Variants in ENPP2 observed in about 807,000 individuals in gnomAD.
ENPP2 encodes the protein autotaxin.
ENPP2 carries 51 observed loss-of-function variants against 120.2 expected under a neutral mutation model. That is an observed-to-expected ratio of 0.42 (90% CI 0.34 to 0.54). The LOEUF is 0.54. Among genes scored for constraint, ENPP2 ranks in the 20% least tolerant of loss-of-function variants. The pLI is 0.04. For synonymous variants in ENPP2, 365 were observed against 366.4 expected, an observed-to-expected ratio of 1.00 and a Z score of 0.04; for missense variants, 920 against 1,066.5, an observed-to-expected ratio of 0.86 and a Z score of 1.91.
chr8:119,597,303 C>G (rs1211138419), intron 11 of ENPP2, among the ~76,000 whole-genome samples: 1 of 152,176 alleles, frequency 6.6e-6, no homozygotes, highest in Non-Finnish European at 1.5e-5. Context: ...ATACATTCTG[C>G]TAGCGCTCAA....
intron 1 of ENPP2, among the ~76,000 whole-genome samples, chr8:119,644,723 A>C (rs959626775): frequency 6.7e-6 from 1 of 149,844 alleles, no homozygotes; most frequent in Non-Finnish European, 1.5e-5. Flanking sequence ...GCATTTATTC[A>C]TATTGAGGTT....
At chr8:119,577,466 C>T (rs1489219794) in intron 19 of ENPP2, among the ~76,000 whole-genome samples, 1 of 152,138 alleles carries the variant, frequency 6.6e-6, no homozygotes, top group Non-Finnish European at 1.5e-5. Flanking sequence ...CATCGCTTTG[C>T]CACTGAAGAA....
chr8:119,607,785 G>T, intron 9 of ENPP2, 137 bp downstream of exon 9: 1 of 609,472 alleles, frequency 1.6e-6, no homozygotes, highest in Admixed American at 3.5e-5. Flanking sequence ...CACCTGGAAG[G>T]TTATTTTGAT....
intron 1 of ENPP2, among the ~76,000 whole-genome samples, chr8:119,661,990 A>G (rs903343201): frequency 3.3e-5 from 5 of 152,240 alleles, no homozygotes; most frequent in Admixed American, 3.3e-4. Context: ...CAAGCAGAGA[A>G]TAGGATGGTG....
At chr8:119,667,049 A>G (rs1818093988) in intron 1 of ENPP2, among the ~76,000 whole-genome samples, 1 of 152,092 alleles carries the variant, frequency 6.6e-6, no homozygotes, top group Admixed American at 6.6e-5. Flanking sequence ...CATAAAATTT[A>G]TTGTTCAAAC....
intron 15 of ENPP2, 128 bp downstream of exon 15, chr8:119,586,058 A>G: frequency 1.9e-6 from 2 of 1,045,644 alleles, no homozygotes; most frequent in South Asian, 3.1e-5. Flanking sequence ...AGCCCACAAA[A>G]TCTTTGGAAA....
intron 2 of ENPP2, among the ~76,000 whole-genome samples, chr8:119,627,550 C>CA (rs113032891): frequency 2.0e-5 from 3 of 149,600 alleles, no homozygotes; most frequent in South Asian, 4.2e-4. Flanking sequence ...AAAAGTCTAC[C>CA]AAAAAAAAAA....
chr8:119,631,545 T>C, intron 2 of ENPP2, among the ~76,000 whole-genome samples: 1 of 152,096 alleles, frequency 6.6e-6, no homozygotes, highest in East Asian at 1.9e-4. Flanking sequence ...ACAGTGAGTG[T>C]ATGATGACAC....
chr8:119,648,805 C>G (rs980015224), intron 1 of ENPP2, among the ~76,000 whole-genome samples: 4 of 152,130 alleles, frequency 2.6e-5, no homozygotes, highest in African/African-American at 9.7e-5. Context: ...GAATGCTTTC[C>G]CCTAAGATCA....
At chr8:119,614,468 C>T (rs1331292950) in intron 8 of ENPP2, among the ~76,000 whole-genome samples, 2 of 152,154 alleles carry the variant, frequency 1.3e-5, no homozygotes, top group Non-Finnish European at 2.9e-5. Flanking sequence ...TAAACTTGGT[C>T]AGATGCGTCA....
intron 11 of ENPP2, among the ~76,000 whole-genome samples, chr8:119,598,070 G>T (rs996906196): frequency 1.3e-5 from 2 of 152,216 alleles, no homozygotes; most frequent in Non-Finnish European, 2.9e-5. Flanking sequence ...ATGATATATA[G>T]GTAGGCATAT....
At chr8:119,650,901 T>C (rs1817608304) in intron 1 of ENPP2, among the ~76,000 whole-genome samples, 2 of 152,150 alleles carry the variant, frequency 1.3e-5, no homozygotes, top group South Asian at 2.1e-4. Flanking sequence ...GGCAACAAAC[T>C]GTAAACAGAG....
chr8:119,587,276 T>A (rs1326243175), intron 13 of ENPP2, among the ~76,000 whole-genome samples: 3 of 152,110 alleles, frequency 2.0e-5, no homozygotes, highest in African/African-American at 7.2e-5. Flanking sequence ...GTGGAACAAA[T>A]CCTATAGTAA....
intron 3 of ENPP2, among the ~76,000 whole-genome samples, chr8:119,625,373 A>T (rs907526741): frequency 4.6e-5 from 7 of 152,206 alleles, no homozygotes; most frequent in African/African-American, 1.7e-4. Flanking sequence ...TGTTCTGCAA[A>T]AAACAGCCTA....
intron 8 of ENPP2, 54 bp from the exon 9 acceptor site, chr8:119,608,031 A>G: frequency 2.3e-6 from 3 of 1,319,274 alleles, no homozygotes; most frequent in Non-Finnish European, 1.1e-6. Context: ...TTGTCAAAGA[A>G]GAAAAAGTTT....
intron 1 of ENPP2, among the ~76,000 whole-genome samples, chr8:119,649,847 G>A (rs558894513): frequency 1.2e-3 from 186 of 152,280 alleles, no homozygotes; most frequent in African/African-American, 4.4e-3. Context: ...TCAAAACTGT[G>A]AGATACCACT....
At chr8:119,651,122 C>T (rs1587574036) in intron 1 of ENPP2, among the ~76,000 whole-genome samples, 1 of 151,988 alleles carries the variant, frequency 6.6e-6, no homozygotes, top group Non-Finnish European at 1.5e-5. Context: ...CAGGACAGCT[C>T]ATATGGCAGA....
intron 19 of ENPP2, chr8:119,572,576 A>C (rs531930961): frequency 3.9e-6 from 1 of 255,138 alleles, no homozygotes; most frequent in East Asian, 7.5e-5. Flanking sequence ...TGTTGTTAGC[A>C]ACATTACACT....
At chr8:119,591,149 TCACTGTCTC>T (rs1813481097) in intron 12 of ENPP2, among the ~76,000 whole-genome samples, 1 of 152,170 alleles carries the variant, frequency 6.6e-6, no homozygotes, top group African/African-American at 2.4e-5. Context: ...TCACCAGTCC[TCACTGTCTC>T]CACTGGTGGC....
Sources: allele counts gnomAD v4.1 joint callset (sites outside exome capture counted in the v4.1 genomes callset), GRCh38; gene constraint gnomAD v4.1.1; transcripts MANE v1.5; gene names NCBI Gene and HGNC (gene_info 2026-07-23, HGNC 2026-07-21).